Variants in ZNF257 observed in about 807,000 individuals in gnomAD.
ZNF257 encodes the protein zinc finger protein 257.
A neutral mutation model predicts 11.9 loss-of-function variants in ZNF257; 12 were observed. That is an observed-to-expected ratio of 1.01 (90% confidence interval 0.65 to 1.63). The LOEUF is 1.63. Among genes scored for constraint, ZNF257 ranks in the 40% most tolerant of loss-of-function variants. The pLI is 0.00. For synonymous variants in ZNF257, 183 were observed against 222.7 expected, an observed-to-expected ratio of 0.82 and a Z score of 1.59; for missense variants, 580 against 665.5, an observed-to-expected ratio of 0.87 and a Z score of 1.41.
At chr19:22,069,476 G>C (rs554710791) in intron 1 of ZNF257, among the ~76,000 whole-genome samples, 4 of 152,002 alleles carry the variant, frequency 2.6e-5, no homozygotes, top group Admixed American at 2.6e-4. Flanking sequence ...TTAGCTGGGC[G>C]TGGTGGTGGG....
Position 22,052,658 on chromosome 19 carries a change from C to T in ZNF257, c.3+23C>T, listed in dbSNP as rs775953359. ...ATGGTGAGAGTGCTGGGTCCGACAT[C>T]CTGGGAGAGGGGAAGGGGGTGGTTG... On this transcript the variant is annotated intron_variant, in intron 1 of 3. Coordinates refer to ENST00000594947, the MANE Select transcript of ZNF257 (RefSeq NM_033468.4). The T allele has an allele frequency of 7.5e-6, 12 of 1,606,128 alleles. No individual in the cohort carries two copies. In the East Asian group the frequency reaches 2.3e-4, roughly 30 times the overall value.
At position 22,088,793 on chromosome 19, in the gene ZNF257, A is replaced by G. The variant is rs756138801; in HGVS notation, c.1043A>G (p.Glu348Gly). ...HTGEKPFQCE[E>G]CGKAFNRSSH... ...GGAGAGAAACCCTTCCAATGTGAAG[A>G]GTGTGGCAAAGCTTTTAACCGGTCT... The change falls in exon 4 of 4, where the codon GAG becomes GGG. Residue 348 changes from glutamate (E) to glycine (G), a missense_variant. Transcript: ENST00000594947. 6.2e-7 allele frequency: 1 copy of G among 1,613,296 alleles called. No homozygotes were observed. The highest frequency in any genetic ancestry group is 1.3e-5 in the African/African-American group (1 of 74,764).
At chr19:22,085,626 TATTC>T (rs2145718232) in intron 3 of ZNF257, among the ~76,000 whole-genome samples, 1 of 152,190 alleles carries the variant, frequency 6.6e-6, no homozygotes, top group African/African-American at 2.4e-5. Context: ...TCTATGTGTT[TATTC>T]AATTATGTCA....
chr19:22,086,030 C>T (rs2022469221), intron 3 of ZNF257, among the ~76,000 whole-genome samples: 1 of 152,020 alleles, frequency 6.6e-6, no homozygotes, highest in Non-Finnish European at 1.5e-5. Context: ...AACTAGAAAG[C>T]TAATTATACC....
chr19:22,065,430 C>T (rs918696474), intron 1 of ZNF257, among the ~76,000 whole-genome samples: 2 of 152,112 alleles, frequency 1.3e-5, no homozygotes, highest in African/African-American at 4.8e-5. Flanking sequence ...GAACTCCCGA[C>T]CTCAGGTGAT....
chr19:22,086,895 T>A (rs1320314503), intron 3 of ZNF257, among the ~76,000 whole-genome samples: 3 of 152,072 alleles, frequency 2.0e-5, no homozygotes, highest in Non-Finnish European at 4.4e-5. Flanking sequence ...TGTGTTTTTT[T>A]AAATAAATAT....
intron 1 of ZNF257, among the ~76,000 whole-genome samples, chr19:22,054,562 C>T (rs2021574904): frequency 6.6e-6 from 1 of 152,170 alleles, no homozygotes; most frequent in South Asian, 2.1e-4. Context: ...CTTTAGTTTA[C>T]ATTTTTTATA....
chr19:22,088,329 A>C lies in ZNF257; in HGVS notation c.579A>C (p.Arg193Ser). 6.2e-7 allele frequency: 1 copy of C among 1,613,630 alleles called. No individual in the cohort carries two copies. Among genetic ancestry groups the C allele is most frequent in the East Asian group, 2.2e-5 (1 of 44,882 alleles). ...CMLSQLTRHK[R>S]IHIRENSHKC... Reference sequence around the variant, plus strand: ...TTTCACAACTAACTCGACATAAGAGAATTCATATTAGAGAGAATTCCCACA... The same window carrying C: ...TTTCACAACTAACTCGACATAAGAGCATTCATATTAGAGAGAATTCCCACA... Residue 193 changes from arginine (R) to serine (S), a missense_variant, in exon 4 of 4, where the codon AGA becomes AGC. Arg to Ser is a moderately radical substitution (Grantham distance 110). Transcript: ENST00000594947.
At chr19:22,087,938 C>A in intron 3 of ZNF257, 39 bp from the exon 4 acceptor site, 2 of 1,446,506 alleles carry the variant, frequency 1.4e-6, no homozygotes, top group South Asian at 3.6e-5. Flanking sequence ...TTACCTGAGT[C>A]TAGTAAGTGG....
chr19:22,082,720 C>T (rs1234740990), intron 3 of ZNF257, among the ~76,000 whole-genome samples: 1 of 152,040 alleles, frequency 6.6e-6, no homozygotes, highest in East Asian at 1.9e-4. Context: ...TATTGATCGA[C>T]TTGATGCTGT....
intron 1 of ZNF257, among the ~76,000 whole-genome samples, chr19:22,056,775 G>A (rs1227401561): frequency 6.6e-6 from 1 of 152,098 alleles, no homozygotes; most frequent in Non-Finnish European, 1.5e-5. Flanking sequence ...ACCGCGCCCG[G>A]CCGAATTTAG....
At chr19:22,073,053 C>T in intron 2 of ZNF257, 118 bp downstream of exon 2, 1 of 1,206,568 alleles carries the variant, frequency 8.3e-7, no homozygotes. Flanking sequence ...TTATGTTTTG[C>T]ATAAATGAGT....
intron 1 of ZNF257, among the ~76,000 whole-genome samples, chr19:22,063,477 C>T (rs1435107266): frequency 2.0e-5 from 3 of 152,092 alleles, no homozygotes; most frequent in Admixed American, 6.6e-5. Flanking sequence ...TCTAACATTT[C>T]GATGTGAGCA....
At chr19:22,069,913 CAG>C in intron 1 of ZNF257, among the ~76,000 whole-genome samples, 1 of 152,202 alleles carries the variant, frequency 6.6e-6, no homozygotes, top group South Asian at 2.1e-4. Context: ...CCCAGTGGCA[CAG>C]AGAACAAATT....
At position 22,052,505 on chromosome 19, in the gene ZNF257, C is replaced by G. The variant is rs415291; in HGVS notation, c.-128C>G. ...GGGTACTTTGTCTCTCGCTCTAGCC[C>G]GAGCTGCAGGTCTCGTCTTCCCTGG... On this transcript the variant is annotated 5_prime_UTR_variant, in exon 1 of 4. Coordinates refer to ENST00000594947, the MANE Select transcript of ZNF257 (RefSeq NM_033468.4). The G allele has an allele frequency of 0.55, 608,424 of 1,110,800 alleles. 169,985 individuals are homozygous for G. The highest frequency in any genetic ancestry group is 0.62 in the Admixed American group (33,315 of 53,382). 68.8% of individuals were successfully genotyped at this position (1,110,800 alleles called of 1,614,324 possible). A position where few individuals can be genotyped will look rare whatever the true frequency, so the allele number is the denominator to read the frequency against.
intron 1 of ZNF257, among the ~76,000 whole-genome samples, chr19:22,063,443 A>G (rs1305185572): frequency 6.6e-6 from 1 of 152,138 alleles, no homozygotes; most frequent in Non-Finnish European, 1.5e-5. Flanking sequence ...ATTTTGTGAT[A>G]TTAGGTCACT....
In ZNF257 at chr19:22,089,066, C is replaced by A. The variant is rs1161100894; in HGVS notation, c.1316C>A (p.Ala439Asp). The A allele has an allele frequency of 5.0e-6, 8 of 1,613,352 alleles. No individual in the cohort carries two copies. The African/African-American group carries it at 9.4e-5, about 19-fold the overall frequency. The change falls in exon 4 of 4, where the codon GCC (alanine) becomes GAC (aspartate). Residue 439 changes from alanine (A) to aspartate (D), a missense_variant. Physicochemically the swap from Ala to Asp is moderately radical, Grantham distance 126 (BLOSUM62 -2). Transcript: ENST00000594947. ...TACAAATGTGAAGAGTGTGGCAAAG[C>A]CTTTAACCGGTCTTCATACCTTATT... ...KPYKCEECGK[A>D]FNRSSYLIRH...
chr19:22,077,600 C>G (rs374009600), intron 3 of ZNF257, among the ~76,000 whole-genome samples: 1 of 151,966 alleles, frequency 6.6e-6, no homozygotes, highest in African/African-American at 2.4e-5. Flanking sequence ...TCAAATGTGA[C>G]AAGATTTTAT....
chr19:22,072,723 C>T lies in ZNF257; in HGVS notation c.4-86C>T, dbSNP rs1016970407. The T allele has an allele frequency of 9.4e-6, 14 of 1,496,360 alleles. No individual in the cohort carries two copies. The African/African-American group carries it at 1.6e-4, about 17-fold the overall frequency. 92.7% of individuals were successfully genotyped at this position (1,496,360 alleles called of 1,614,324 possible). On this transcript the variant is annotated intron_variant, in intron 1 of 3. Transcript: ENST00000594947. ...TAAGGCAGAACCTGTTCTCTCTGCT[C>T]TTTAATTACACCTTGAGTGACATTA...
Sources: gnomAD v4.1 joint callset for allele counts (sites outside exome capture counted in the v4.1 genomes callset) on GRCh38, gnomAD v4.1.1 for gene constraint, MANE v1.5 for transcripts, NCBI Gene and HGNC (gene_info 2026-07-23, HGNC 2026-07-21) for gene names.